The following NLGN1 variants were observed in gnomAD, a reference collection of about 807,000 sequenced individuals.
NLGN1 encodes the protein neuroligin-1.
NLGN1 carries 12 observed loss-of-function variants against 65.5 expected under a neutral mutation model. The ratio of observed to expected loss-of-function variants is 0.18; its 90% CI spans 0.12 to 0.30. The LOEUF is 0.30. Ranked by LOEUF, NLGN1 falls within the 10% of genes least tolerant of loss-of-function variation. The probability of loss-of-function intolerance (pLI) is 1.00; values close to 1 mark genes in which losing one functional copy is unlikely to be tolerated. For synonymous variants in NLGN1, 350 were observed against 359.5 expected (o/e 0.97, Z 0.30); for missense variants, 750 against 1,007.1 (o/e 0.74, Z 3.46).
rs112269608 is a variant in NLGN1 at position 173,698,832 on chromosome 3, A to G, written c.493+93741A>G. On this transcript the variant is annotated intron_variant, in intron 3 of 6. Coordinates refer to ENST00000457714, the Ensembl canonical transcript of NLGN1. ...GGTGAGAAATGTTGTGTATTGTGCA[A>G]TTAGAAAACAGGAATTTTTTTTGTT... Among the ~76,000 whole-genome samples, 337 of 124,708 alleles carry G rather than the reference A, an allele frequency of 2.7e-3. 1 individual carries two copies. The highest frequency in any genetic ancestry group is 8.2e-3 in the African/African-American group (325 of 39,434). The allele number at this position is 124,708 out of a possible 152,430, so 81.8% of individuals were successfully genotyped here. A position where few individuals can be genotyped will look rare whatever the true frequency, so the allele number is the denominator to read the frequency against.
At position 173,469,526 on chromosome 3, in the gene NLGN1, C is replaced by G. The variant is rs867526995; in HGVS notation, c.-321+34448C>G. Reference sequence around the variant, plus strand: ...GGCTTGTATCACTTATGCCAGCAATCTTTACGATTCAGGAGAATATTCCTA... The same window carrying G: ...GGCTTGTATCACTTATGCCAGCAATGTTTACGATTCAGGAGAATATTCCTA... On this transcript the variant is annotated intron_variant, in intron 2 of 6. Transcript: ENST00000457714. 6.6e-5 allele frequency among the ~76,000 whole-genome samples: 10 copies of G among 151,930 alleles called. 1 individual carries two copies. The highest frequency in any genetic ancestry group is 5.9e-4 in the Admixed American group (9 of 15,226).
chr3:173,455,866 G>A (rs1054643107), intron 2 of NLGN1, among the ~76,000 whole-genome samples: 1 of 152,152 alleles, frequency 6.6e-6, no homozygotes, highest in Non-Finnish European at 1.5e-5. Context: ...ACGCAGAAAA[G>A]CCAGTGTAGT....
At chr3:173,427,299 T>C (rs533060736) in intron 1 of NLGN1, among the ~76,000 whole-genome samples, 2 of 151,972 alleles carry the variant, frequency 1.3e-5, no homozygotes, top group African/African-American at 4.8e-5. Flanking sequence ...TTCTTTTTCA[T>C]CTCAATTTCA....
Position 173,439,093 on chromosome 3 carries a change from A to G in NLGN1, c.-321+4015A>G, listed in dbSNP as rs1166913907. Among the ~76,000 whole-genome samples the G allele has an allele frequency of 2.6e-5, 4 of 152,174 alleles. No individual in the cohort carries two copies. The South Asian group carries it at 8.3e-4, about 32-fold the overall frequency. On this transcript the variant is annotated intron_variant, in intron 2 of 6. Transcript: ENST00000457714. Reference sequence around the variant, plus strand: ...AATCTGGATTAGCATATTTAAGAAAAATTTCTGGAAAGAAAAGAGCTGTTG... The same window carrying G: ...AATCTGGATTAGCATATTTAAGAAAGATTTCTGGAAAGAAAAGAGCTGTTG...
chr3:174,096,451 A>G (rs1013923766), intron 4 of NLGN1, among the ~76,000 whole-genome samples: 9 of 151,988 alleles, frequency 5.9e-5, no homozygotes, highest in African/African-American at 1.4e-4. Flanking sequence ...AATCATGGAA[A>G]TATCATTTTA....
chr3:174,174,388 G>A (rs2152738734), intron 4 of NLGN1, among the ~76,000 whole-genome samples: 1 of 151,984 alleles, frequency 6.6e-6, no homozygotes, highest in East Asian at 1.9e-4. Flanking sequence ...GTTGTTTAAG[G>A]AAACTCCACA....
intron 4 of NLGN1, among the ~76,000 whole-genome samples, chr3:174,121,673 C>A (rs1284334996): frequency 6.6e-6 from 1 of 152,156 alleles, no homozygotes; most frequent in East Asian, 1.9e-4. Flanking sequence ...CAGTTCTCAT[C>A]ACTGAATTTT....
At chr3:173,650,244 T>C (rs1446695957) in intron 3 of NLGN1, among the ~76,000 whole-genome samples, 3 of 152,150 alleles carry the variant, frequency 2.0e-5, no homozygotes, top group Non-Finnish European at 4.4e-5. Context: ...TCAAATTAGC[T>C]TCCTATGGAT....
chr3:174,136,024 T>A (rs574095139), intron 4 of NLGN1, among the ~76,000 whole-genome samples: 1 of 152,288 alleles, frequency 6.6e-6, no homozygotes, highest in Admixed American at 6.5e-5. Context: ...CATGGCTTAA[T>A]TTATCTTCTA....
chr3:174,182,500 C>G (rs1577249304), intron 4 of NLGN1, among the ~76,000 whole-genome samples: 1 of 152,138 alleles, frequency 6.6e-6, no homozygotes, highest in African/African-American at 2.4e-5. Flanking sequence ...ATGATGCATG[C>G]AAGTCACCTA....
At position 173,714,613 on chromosome 3, in the gene NLGN1, T is replaced by G. The variant is rs139300660; in HGVS notation, c.494-93067T>G. On this transcript the variant is annotated intron_variant, in intron 3 of 6. Coordinates refer to ENST00000457714, the Ensembl canonical transcript of NLGN1. The stretch of plus-strand genomic sequence containing the variant: ...CAGCAAGTTAAGGGGAACCCATTTA[T>G]TTTAGAGAATGAACTATGCCTTTCT... 4.6e-5 allele frequency among the ~76,000 whole-genome samples: 7 copies of G among 152,212 alleles called. No individual in the cohort carries two copies. In the East Asian group the frequency reaches 1.4e-3, roughly 29 times the overall value.
intron 4 of NLGN1, among the ~76,000 whole-genome samples, chr3:173,817,652 A>G (rs1048876196): frequency 6.6e-6 from 1 of 152,200 alleles, no homozygotes; most frequent in African/African-American, 2.4e-5. Context: ...AAGGAGTGAG[A>G]ATCAATATGA....
intron 4 of NLGN1, among the ~76,000 whole-genome samples, chr3:174,250,897 G>A (rs887248190): frequency 1.3e-5 from 2 of 152,056 alleles, no homozygotes; most frequent in Non-Finnish European, 2.9e-5. Context: ...ATAAGAAAAA[G>A]CCTTTTTTGT....
At chr3:174,247,798 A>G (rs185712683) in intron 4 of NLGN1, among the ~76,000 whole-genome samples, 1 of 152,350 alleles carries the variant, frequency 6.6e-6, no homozygotes, top group East Asian at 1.9e-4. Context: ...AGACGTTTTC[A>G]GGCTCCACAG....
intron 4 of NLGN1, among the ~76,000 whole-genome samples, chr3:173,873,829 C>G (rs1474837772): frequency 1.3e-5 from 2 of 152,138 alleles, no homozygotes; most frequent in East Asian, 3.9e-4. Context: ...TCATATGTTG[C>G]GTACCTAACA....
chr3:174,279,307 A>G lies in NLGN1; in HGVS notation c.1306A>G (p.Ile436Val), dbSNP rs752911853. Reference sequence around the variant, plus strand: ...AGGCAAAGATGTTTTGAGAGAAACCATTAAGTTCATGTATACTGACTGGGC... The same window carrying G: ...AGGCAAAGATGTTTTGAGAGAAACCGTTAAGTTCATGTATACTGACTGGGC... Residue 436 changes from isoleucine (I) to valine (V), a missense_variant, in exon 6 of 7, where the codon ATT becomes GTT. Coordinates refer to ENST00000457714, the Ensembl canonical transcript of NLGN1. The surrounding 1 kb of genome is among the most constrained non-coding windows in gnomAD (Gnocchi z 4.7). 14 of 1,613,328 alleles carry G rather than the reference A, an allele frequency of 8.7e-6. No homozygotes were observed. Among genetic ancestry groups the G allele is most frequent in the African/African-American group, 2.7e-5 (2 of 74,864 alleles).
At chr3:173,532,528 C>T (rs995744809) in intron 2 of NLGN1, among the ~76,000 whole-genome samples, 1 of 152,126 alleles carries the variant, frequency 6.6e-6, no homozygotes, top group Non-Finnish European at 1.5e-5. Flanking sequence ...ACTTGTCTTA[C>T]TTGTATATGT....
At chr3:174,154,998 ATATT>A (rs1725157259) in intron 4 of NLGN1, among the ~76,000 whole-genome samples, 1 of 70,620 alleles carries the variant, frequency 1.4e-5, no homozygotes, top group African/African-American at 9.8e-5. Flanking sequence ...TATATTATAT[ATATT>A]TATATATTGA....
intron 1 of NLGN1, among the ~76,000 whole-genome samples, chr3:173,414,492 A>G (rs579083): frequency 0.21 from 31,550 of 151,980 alleles, 3,447 homozygotes; most frequent in Middle Eastern, 0.3. Context: ...TGCTTTGTTT[A>G]GCAAAAGGTA....
Sources: gnomAD v4.1 joint callset for allele counts (sites outside exome capture counted in the v4.1 genomes callset) on GRCh38, gnomAD v4.1.1 for gene constraint, Gnocchi (gnomAD v3.1) non-coding constraint, MANE v1.5 for transcripts, NCBI Gene and HGNC (gene_info 2026-07-23, HGNC 2026-07-21) for gene names.